The following GPD1L variants were observed in gnomAD, a reference collection of about 807,000 sequenced individuals.
The protein encoded by GPD1L is glycerol-3-phosphate dehydrogenase 1-like protein.
A neutral mutation model predicts 32.9 loss-of-function variants in GPD1L; 17 were observed. The ratio of observed to expected loss-of-function variants is 0.52; its 90% CI spans 0.35 to 0.78. The LOEUF is 0.78. Among genes scored for constraint, GPD1L ranks in the 30% least tolerant of loss-of-function variants. The pLI is 0.01. For missense variants in GPD1L, 361 were observed against 447.8 expected (o/e 0.81, Z 1.75); for synonymous variants, 187 against 165.9 (o/e 1.13, Z -0.98).
chr3:32,114,311 G>T (rs1422164426), intron 1 of GPD1L, among the ~76,000 whole-genome samples: 2 of 152,256 alleles, frequency 1.3e-5, no homozygotes, highest in Non-Finnish European at 2.9e-5. Context: ...AAGAGTAAGA[G>T]AAGGCAAACC....
chr3:32,158,189 T>C (rs1701021506), intron 5 of GPD1L: 1 of 153,356 alleles, frequency 6.5e-6, no homozygotes, highest in Admixed American at 6.5e-5. Context: ...TGGAATACTA[T>C]GCAGCAATTA....
rs1700696810 is a variant in GPD1L, at chr3:32,138,481, C to T, written c.226-106C>T. On this transcript the variant is annotated intron_variant, in intron 2 of 7. Transcript: ENST00000282541. ...GCCTTCCTTGTCTATCTGTGCAATGCTCTGCACATAGTAGGCATCTGATAA... is the reference window on the plus strand; with the variant it reads ...GCCTTCCTTGTCTATCTGTGCAATGTTCTGCACATAGTAGGCATCTGATAA... 2.1e-5 allele frequency: 22 copies of T among 1,024,724 alleles called. No individual in the cohort carries two copies. The South Asian group carries it at 2.7e-4, about 12-fold the overall frequency. 63.5% of individuals were successfully genotyped at this position (1,024,724 alleles called of 1,614,324 possible).
rs143815080 is a variant in GPD1L, at chr3:32,159,357, G to A, written c.853-211G>A. Reference sequence around the variant, plus strand: ...TGAAATAATTGATGCTAGGCCGGGCGTGGTGGCTCATGCCTGTAATCCCAC... The same window carrying A: ...TGAAATAATTGATGCTAGGCCGGGCATGGTGGCTCATGCCTGTAATCCCAC... On this transcript the variant is annotated intron_variant, in intron 6 of 7. Transcript: ENST00000282541. 5.5e-3 allele frequency among the ~76,000 whole-genome samples: 839 copies of A among 151,920 alleles called. 22 individuals carry two copies. Among genetic ancestry groups the A allele is most frequent in the Admixed American group, 0.042 (643 of 15,262 alleles).
chr3:32,109,165 A>G (rs950397072), intron 1 of GPD1L, among the ~76,000 whole-genome samples: 6 of 152,172 alleles, frequency 3.9e-5, no homozygotes, highest in Non-Finnish European at 8.8e-5. Flanking sequence ...GCCAGTTTTA[A>G]TGTCAAGCTC....
chr3:32,151,617 C>T (rs1700920912), intron 5 of GPD1L, among the ~76,000 whole-genome samples: 1 of 152,104 alleles, frequency 6.6e-6, no homozygotes, highest in Non-Finnish European at 1.5e-5. Flanking sequence ...GTAACTGGGA[C>T]TATAGGTGCT....
At chr3:32,157,407 C>T (rs934760586) in intron 5 of GPD1L, among the ~76,000 whole-genome samples, 1 of 152,108 alleles carries the variant, frequency 6.6e-6, no homozygotes, top group Non-Finnish European at 1.5e-5. Context: ...ATTGTCAGCT[C>T]CTTGAGGACA....
At position 32,106,829 on chromosome 3, in the gene GPD1L, G is replaced by A. The variant is rs988754584; in HGVS notation, c.47+71G>A. On this transcript the variant is annotated intron_variant, in intron 1 of 7. Transcript: ENST00000282541. This position sits in a 1 kb window ranked among gnomAD's most constrained non-coding sequence, Gnocchi z 4.0. ...GCCTCTCCCGGGCGGTGAGGGCTGC[G>A]CGCCCCATGCTGCGGCGTGGGCACC... 9.7e-5 allele frequency: 137 copies of A among 1,406,064 alleles called. No homozygotes were observed. Among genetic ancestry groups the A allele is most frequent in the Non-Finnish European group, 1.3e-4 (132 of 1,050,872 alleles). 87.1% of individuals were successfully genotyped at this position (1,406,064 alleles called of 1,614,324 possible). A position where few individuals can be genotyped will look rare whatever the true frequency, so the allele number is the denominator to read the frequency against.
intron 7 of GPD1L, among the ~76,000 whole-genome samples, chr3:32,160,660 T>G (rs1204776243): frequency 6.6e-6 from 1 of 151,694 alleles, no homozygotes; most frequent in Non-Finnish European, 1.5e-5. Flanking sequence ...GATGGATAGA[T>G]GGGTGGGTGC....
chr3:32,113,672 C>T (rs1700285304), intron 1 of GPD1L, among the ~76,000 whole-genome samples: 1 of 152,188 alleles, frequency 6.6e-6, no homozygotes, highest in Non-Finnish European at 1.5e-5. Context: ...AATCAGTCAT[C>T]TCTCACTGCC....
chr3:32,119,504 T>G (rs1700377503), intron 1 of GPD1L, among the ~76,000 whole-genome samples: 1 of 152,240 alleles, frequency 6.6e-6, no homozygotes, highest in South Asian at 2.1e-4. Context: ...TTTTCCTTTG[T>G]GGTTTCTTTC....
At chr3:32,132,613 A>C (rs1700601831) in intron 2 of GPD1L, among the ~76,000 whole-genome samples, 1 of 152,000 alleles carries the variant, frequency 6.6e-6, no homozygotes, top group Non-Finnish European at 1.5e-5. Flanking sequence ...GGTGATCTTC[A>C]AATTTTAGTG....
chr3:32,145,394 A>G (rs1435644363), intron 4 of GPD1L, among the ~76,000 whole-genome samples: 1 of 152,194 alleles, frequency 6.6e-6, no homozygotes, highest in Non-Finnish European at 1.5e-5. Context: ...TTGAGAAAAT[A>G]TGAGATTGCT....
At chr3:32,138,555 G>C (rs1418264084) in intron 2 of GPD1L, 32 bp from the exon 3 acceptor site, 1 of 1,611,736 alleles carries the variant, frequency 6.2e-7, no homozygotes, top group Non-Finnish European at 8.5e-7. Flanking sequence ...GATATAAGAG[G>C]AGAAACGGTC....
chr3:32,125,308 T>C (rs904141901), intron 1 of GPD1L, among the ~76,000 whole-genome samples: 21 of 152,210 alleles, frequency 1.4e-4, no homozygotes, highest in African/African-American at 4.6e-4. Flanking sequence ...CACTCTCCCC[T>C]AACTCAGCTG....
At chr3:32,136,003 A>G (rs562965780) in intron 2 of GPD1L, among the ~76,000 whole-genome samples, 5 of 152,266 alleles carry the variant, frequency 3.3e-5, no homozygotes, top group African/African-American at 1.2e-4. Flanking sequence ...GATCTGCTCT[A>G]TGGGGAGTGA....
chr3:32,140,756 A>G (rs1369762397), intron 4 of GPD1L, among the ~76,000 whole-genome samples: 1 of 152,178 alleles, frequency 6.6e-6, no homozygotes, highest in Non-Finnish European at 1.5e-5. Flanking sequence ...ATCCTCATTG[A>G]TTCCAGTGAG....
rs1301167164 is a variant in GPD1L, at chr3:32,162,472, G to A, written c.959+2798G>A. 1.1e-4 allele frequency among the ~76,000 whole-genome samples: 7 copies of A among 63,782 alleles called. 2 individuals are homozygous for A. Among genetic ancestry groups the A allele is most frequent in the African/African-American group, 6.7e-4 (7 of 10,444 alleles). The allele number at this position is 63,782 out of a possible 152,430, so 41.8% of individuals were successfully genotyped here. On this transcript the variant is annotated intron_variant, in intron 7 of 7. Coordinates refer to ENST00000282541, the MANE Select transcript of GPD1L (RefSeq NM_015141.4). Reference sequence around the variant, plus strand: ...GCAATCTCGGCTCACTGCAAGCTCCGCTTCCCGGGTTCAAGCCATTCTCCT... The same window carrying A: ...GCAATCTCGGCTCACTGCAAGCTCCACTTCCCGGGTTCAAGCCATTCTCCT...
intron 1 of GPD1L, among the ~76,000 whole-genome samples, chr3:32,124,611 A>G (rs181003639): frequency 5.1e-4 from 78 of 152,350 alleles, no homozygotes; most frequent in African/African-American, 1.8e-3. Context: ...AAAGTGGACA[A>G]CAGAGAAAAT....
chr3:32,138,528 G>A (rs924341488), intron 2 of GPD1L, 59 bp from the exon 3 acceptor site: 3 of 1,548,258 alleles, frequency 1.9e-6, no homozygotes, highest in Non-Finnish European at 2.7e-6. Flanking sequence ...GTGAAACCTT[G>A]TGGACAGGCA....
Sources: allele counts gnomAD v4.1 joint callset (sites outside exome capture counted in the v4.1 genomes callset), GRCh38; gene constraint gnomAD v4.1.1; non-coding constraint Gnocchi (gnomAD v3.1); transcripts MANE v1.5; gene names NCBI Gene and HGNC (gene_info 2026-07-23, HGNC 2026-07-21).